Variants in RAP1GAP2 observed in about 807,000 individuals in gnomAD.
The protein encoded by RAP1GAP2 is rap1 GTPase-activating protein 2.
In RAP1GAP2, 27 loss-of-function variants were observed where a neutral mutation model predicts 95.0. The observed-to-expected ratio is 0.28, with a 90% CI of 0.21 to 0.39. RAP1GAP2 has a LOEUF of 0.39. Ranked by LOEUF, RAP1GAP2 falls within the 10% of genes least tolerant of loss-of-function variation. The pLI, the probability that RAP1GAP2 is intolerant of heterozygous loss-of-function variation, is 1.00. For missense variants in RAP1GAP2, 771 were observed against 970.0 expected (o/e 0.79, Z 2.72); for synonymous variants, 373 against 380.9 (o/e 0.98, Z 0.24).
intron 8 of RAP1GAP2, among the ~76,000 whole-genome samples, chr17:2,968,718 C>G (rs8072011): frequency 0.59 from 89,200 of 151,858 alleles, 26,505 homozygotes; most frequent in East Asian, 0.73. Context: ...ATATAAATGA[C>G]TTAAATTCGA....
chr17:2,879,890 T>G (rs1301152826), intron 2 of RAP1GAP2, among the ~76,000 whole-genome samples: 1 of 152,044 alleles, frequency 6.6e-6, no homozygotes, highest in Non-Finnish European at 1.5e-5. Context: ...TTTGGGGGGC[T>G]GGTGAGGGCA....
intron 3 of RAP1GAP2, among the ~76,000 whole-genome samples, chr17:2,940,235 G>A (rs12950291): frequency 0.074 from 11,270 of 152,248 alleles, 550 homozygotes; most frequent in Middle Eastern, 0.12. Context: ...AGGGGAAGGA[G>A]GAACCGAGAC....
At position 2,963,482 on chromosome 17, in the gene RAP1GAP2, T is replaced by C; in HGVS notation, c.279+20T>C. The C allele has an allele frequency of 6.2e-7, 1 of 1,613,510 alleles. No homozygotes were observed. ...GACGAGGTAGGTGCCCTCCCCTCAC[T>C]CCCACCTGCCCTGCAGCCTGCTCTG... On this transcript the variant is annotated intron_variant, in intron 6 of 24. Transcript: ENST00000254695. This position sits in a 1 kb window ranked among gnomAD's most constrained non-coding sequence, Gnocchi z 4.8.
intron 3 of RAP1GAP2, among the ~76,000 whole-genome samples, chr17:2,942,625 C>T (rs551195934): frequency 6.6e-6 from 1 of 152,106 alleles, no homozygotes; most frequent in South Asian, 2.1e-4. Flanking sequence ...GTACCATTGT[C>T]TCAGTCTCAT....
rs1474003730 is a variant in RAP1GAP2, at chr17:3,003,237, G to A, written c.1201-2132G>A. ...TGGTCATTGAGCCATCAGAGCAGGC[G>A]AGAAATTGGCTCCACGGAGTCGGGT... On this transcript the variant is annotated intron_variant, in intron 14 of 24. Coordinates refer to ENST00000254695, the MANE Select transcript of RAP1GAP2 (RefSeq NM_015085.5). The surrounding 1 kb of genome is among the most constrained non-coding windows in gnomAD (Gnocchi z 4.1). Among the ~76,000 whole-genome samples the A allele has an allele frequency of 1.3e-5, 2 of 152,172 alleles. No homozygotes were observed. Among genetic ancestry groups the A allele is most frequent in the East Asian group, 1.9e-4 (1 of 5,186 alleles).
At chr17:2,760,201 G>A (rs2071215939) in intron 1 of RAP1GAP2, among the ~76,000 whole-genome samples, 1 of 140,974 alleles carries the variant, frequency 7.1e-6, no homozygotes, top group African/African-American at 2.7e-5. Flanking sequence ...GCTGAGGCAG[G>A]AGAATGGTGT....
chr17:2,811,054 C>T (rs2069753888), intron 2 of RAP1GAP2, among the ~76,000 whole-genome samples: 1 of 152,110 alleles, frequency 6.6e-6, no homozygotes, highest in Non-Finnish European at 1.5e-5. Flanking sequence ...CCCACTTACC[C>T]CCATTCAACA....
In RAP1GAP2 at chr17:2,902,733, A is replaced by G. The variant is rs2042065737; in HGVS notation, c.81-2551A>G. On this transcript the variant is annotated intron_variant, in intron 2 of 24. Transcript: ENST00000254695. This position sits in a 1 kb window ranked among gnomAD's most constrained non-coding sequence, Gnocchi z 4.1. Reference sequence around the variant, plus strand: ...GACTTGAGAGTCTGCCTCGCTTCCTAGAGACCGGCCCCAGGAGCTTATCCA... The same window carrying G: ...GACTTGAGAGTCTGCCTCGCTTCCTGGAGACCGGCCCCAGGAGCTTATCCA... Among the ~76,000 whole-genome samples the G allele has an allele frequency of 6.6e-6, 1 of 152,066 alleles. No homozygotes were observed.
At chr17:2,920,699 G>A (rs2042733500) in intron 3 of RAP1GAP2, among the ~76,000 whole-genome samples, 1 of 152,200 alleles carries the variant, frequency 6.6e-6, no homozygotes, top group East Asian at 1.9e-4. Flanking sequence ...TGCAGGTGTC[G>A]AATATCGGCA....
intron 2 of RAP1GAP2, among the ~76,000 whole-genome samples, chr17:2,851,452 G>T (rs1308633872): frequency 2.6e-5 from 4 of 152,156 alleles, no homozygotes; most frequent in African/African-American, 9.7e-5. Flanking sequence ...GTGATGGGCT[G>T]TGGGGGCTGG....
Position 2,963,794 on chromosome 17 carries a change from C to T in RAP1GAP2, c.280-62C>T. Reference sequence around the variant, plus strand: ...TGGGAGCAGCGCAGAGGGGACACCGCCACCGGCCCCCTCCCTCCCCTGCGG... The same window carrying T: ...TGGGAGCAGCGCAGAGGGGACACCGTCACCGGCCCCCTCCCTCCCCTGCGG... On this transcript the variant is annotated intron_variant, in intron 6 of 24. Transcript: ENST00000254695. The surrounding 1 kb of genome is among the most constrained non-coding windows in gnomAD (Gnocchi z 4.8). The T allele has an allele frequency of 7.1e-7, 1 of 1,403,518 alleles. No individual in the cohort carries two copies. Among genetic ancestry groups the T allele is most frequent in the Non-Finnish European group, 9.7e-7 (1 of 1,035,296 alleles). 86.9% of individuals were successfully genotyped at this position (1,403,518 alleles called of 1,614,324 possible). A position where few individuals can be genotyped will look rare whatever the true frequency, so the allele number is the denominator to read the frequency against.
chr17:2,855,910 G>C lies in RAP1GAP2; in HGVS notation c.81-49374G>C, dbSNP rs769811266. Among the ~76,000 whole-genome samples, 5 of 152,200 alleles carry C rather than the reference G, an allele frequency of 3.3e-5. No individual in the cohort carries two copies. Among genetic ancestry groups the C allele is most frequent in the Non-Finnish European group, 7.3e-5 (5 of 68,040 alleles). Reference sequence around the variant, plus strand: ...ATTACAGGCATGAGCCACCGTGCCCGGCTGAAGTGAATCTATTTAATAGAA... The same window carrying C: ...ATTACAGGCATGAGCCACCGTGCCCCGCTGAAGTGAATCTATTTAATAGAA... On this transcript the variant is annotated intron_variant, in intron 2 of 24. Coordinates refer to ENST00000254695, the MANE Select transcript of RAP1GAP2 (RefSeq NM_015085.5). The surrounding 1 kb of genome is among the most constrained non-coding windows in gnomAD (Gnocchi z 4.3).
At chr17:2,807,651 G>A (rs969174334) in intron 2 of RAP1GAP2, among the ~76,000 whole-genome samples, 3 of 152,184 alleles carry the variant, frequency 2.0e-5, no homozygotes, top group African/African-American at 7.2e-5. Context: ...CGACCCTCAC[G>A]AAGGCAGTGG....
chr17:2,987,868 C>T (rs2045608803), intron 11 of RAP1GAP2, among the ~76,000 whole-genome samples: 2 of 152,302 alleles, frequency 1.3e-5, no homozygotes, highest in South Asian at 2.1e-4. Flanking sequence ...AAGACATTCT[C>T]TTGAAGTGAT....
chr17:2,911,258 G>A (rs888720496), intron 3 of RAP1GAP2, among the ~76,000 whole-genome samples: 2 of 113,236 alleles, frequency 1.8e-5, no homozygotes, highest in African/African-American at 4.3e-5. Flanking sequence ...GTTTTGAAGG[G>A]GATTTTTTTT....
chr17:2,821,478 C>T (rs1255469448), intron 2 of RAP1GAP2, among the ~76,000 whole-genome samples: 1 of 150,594 alleles, frequency 6.6e-6, no homozygotes, highest in African/African-American at 2.5e-5. Flanking sequence ...TAGGCTCAAG[C>T]GATCCTCCCA....
intron 17 of RAP1GAP2, among the ~76,000 whole-genome samples, chr17:3,017,375 C>G (rs567191068): frequency 6.6e-6 from 1 of 152,132 alleles, no homozygotes; most frequent in Admixed American, 6.6e-5. Flanking sequence ...CTTTCAGCAC[C>G]TCCATCAGAC....
At chr17:2,798,959 C>G (rs896708428) in intron 1 of RAP1GAP2, among the ~76,000 whole-genome samples, 1 of 152,254 alleles carries the variant, frequency 6.6e-6, no homozygotes, top group South Asian at 2.1e-4. Context: ...TCCACCTTGA[C>G]CATTGAGGAA....
chr17:2,830,614 T>C (rs2070785828), intron 2 of RAP1GAP2, among the ~76,000 whole-genome samples: 1 of 151,534 alleles, frequency 6.6e-6, no homozygotes, highest in South Asian at 2.1e-4. Context: ...CTCAGGAAGC[T>C]GAGGCAGGAG....
Sources: gnomAD v4.1 joint callset for allele counts (sites outside exome capture counted in the v4.1 genomes callset) on GRCh38, gnomAD v4.1.1 for gene constraint, Gnocchi (gnomAD v3.1) non-coding constraint, MANE v1.5 for transcripts, NCBI Gene and HGNC (gene_info 2026-07-23, HGNC 2026-07-21) for gene names.